WDR26: variants seen among roughly 807,000 people sequenced by gnomAD.
WDR26 encodes the protein WD repeat-containing protein 26.
A neutral mutation model predicts 84.1 loss-of-function variants in WDR26; 5 were observed. That is an observed-to-expected ratio of 0.06 (90% CI 0.03 to 0.13). The LOEUF is 0.13. WDR26 is among the 10% of genes least tolerant of loss of function. The pLI, the probability that WDR26 is intolerant of heterozygous loss-of-function variation, is 1.00. For missense variants in WDR26, 642 were observed against 974.9 expected (o/e 0.66, Z 4.55); for synonymous variants, 415 against 389.6 (o/e 1.07, Z -0.77).
intron 3 of WDR26, among the ~76,000 whole-genome samples, chr1:224,427,459 A>G (rs1674262820): frequency 1.3e-5 from 2 of 152,010 alleles, no homozygotes; most frequent in Non-Finnish European, 2.9e-5. Flanking sequence ...CTCTTTTTCT[A>G]TGGGGCAGAG....
chr1:224,401,543 G>A (rs1033966444), intron 8 of WDR26, among the ~76,000 whole-genome samples: 5 of 151,648 alleles, frequency 3.3e-5, no homozygotes, highest in Non-Finnish European at 1.5e-5. Context: ...ACATGGTGGT[G>A]CATGCCTATA....
chr1:224,401,671 C>CAAAAAAAAAAAAAAAAAAAAAAAAAAA (rs767368281), intron 8 of WDR26, among the ~76,000 whole-genome samples: 26 of 49,644 alleles, frequency 5.2e-4, no homozygotes, highest in Non-Finnish European at 6.5e-4. Context: ...GAGACTGTCT[C>CAAAAAAAAAAAAAAAAAAAAAAAAAAA]AAAAAAAAAA....
chr1:224,425,995 T>A (rs1341974899), intron 3 of WDR26, among the ~76,000 whole-genome samples: 4 of 152,014 alleles, frequency 2.6e-5, no homozygotes, highest in African/African-American at 9.7e-5. Flanking sequence ...GTAGCTGGGA[T>A]TACAGGCACC....
chr1:224,427,809 T>C (rs1674271513), intron 3 of WDR26, among the ~76,000 whole-genome samples: 2 of 152,166 alleles, frequency 1.3e-5, no homozygotes, highest in Admixed American at 1.3e-4. Flanking sequence ...AATGTAAATA[T>C]AACCTCAAGA....
chr1:224,424,957 T>C (rs1484420696), intron 3 of WDR26, among the ~76,000 whole-genome samples: 1 of 152,340 alleles, frequency 6.6e-6, no homozygotes, highest in South Asian at 2.1e-4. Flanking sequence ...AGCAATCTCC[T>C]ACAATTGTAG....
intron 3 of WDR26, chr1:224,430,389 T>C (rs1674357775): frequency 6.6e-6 from 1 of 152,250 alleles, no homozygotes; most frequent in African/African-American, 2.4e-5. Flanking sequence ...TTAAATGAAT[T>C]TGCATTTATT....
intron 13 of WDR26, among the ~76,000 whole-genome samples, 168 bp from the exon 14 acceptor site, chr1:224,390,028 T>C (rs1376982665): frequency 1.3e-5 from 2 of 152,240 alleles, no homozygotes; most frequent in Non-Finnish European, 2.9e-5. Flanking sequence ...ATCATACTCA[T>C]TAAAACAATG....
chr1:224,389,674 A>G lies in WDR26; in HGVS notation c.*161T>C. 4.2e-6 allele frequency: 3 copies of G among 712,374 alleles called. No individual in the cohort carries two copies. The South Asian group carries it at 4.7e-5, about 11-fold the overall frequency. 44.1% of individuals were successfully genotyped at this position (712,374 alleles called of 1,614,324 possible). A position where few individuals can be genotyped will look rare whatever the true frequency, so the allele number is the denominator to read the frequency against. ...CATCTCAACTGGTTACTATGAAGCA[A>G]GGTGTAAATGTTTGGCCCCAATCGG... On this transcript the variant is annotated 3_prime_UTR_variant, in exon 14 of 14. Coordinates refer to ENST00000414423, the MANE Select transcript of WDR26 (RefSeq NM_001379403.1).
intron 6 of WDR26, among the ~76,000 whole-genome samples, chr1:224,417,675 G>A (rs558190467): frequency 7.9e-4 from 120 of 152,232 alleles, no homozygotes; most frequent in Middle Eastern, 3.4e-3. Context: ...ACTCTATCCT[G>A]GGCAACAGAG....
At chr1:224,424,266 T>C (rs188191453) in intron 4 of WDR26, among the ~76,000 whole-genome samples, 5 of 152,342 alleles carry the variant, frequency 3.3e-5, no homozygotes, top group South Asian at 2.1e-4. Flanking sequence ...AGGGTTTTCA[T>C]AGAACATTCT....
intron 3 of WDR26, among the ~76,000 whole-genome samples, chr1:224,425,506 C>A (rs1674184222): frequency 1.3e-5 from 2 of 152,172 alleles, no homozygotes; most frequent in Admixed American, 6.5e-5. Context: ...TAGTTTTTTC[C>A]TGAACTGTGT....
Position 224,388,640 on chromosome 1 carries a change from A to G in WDR26, c.*1195T>C, listed in dbSNP as rs776192967. 7.9e-5 allele frequency: 12 copies of G among 152,630 alleles called. No individual in the cohort carries two copies. Among genetic ancestry groups the G allele is most frequent in the Non-Finnish European group, 1.3e-4 (9 of 68,040 alleles). 9.5% of individuals were successfully genotyped at this position (152,630 alleles called of 1,614,324 possible). ...ATATTCTTTAAATTTATGTATCCCT[A>G]TATGTCAAAATATTAAGGGCAATTA... On this transcript the variant is annotated 3_prime_UTR_variant, in exon 14 of 14. Coordinates refer to ENST00000414423, the MANE Select transcript of WDR26 (RefSeq NM_001379403.1).
In WDR26 at chr1:224,430,136, T is replaced by C. The variant is rs1016344692; in HGVS notation, c.927+1341A>G. 46 of 152,288 alleles carry C rather than the reference T, an allele frequency of 3.0e-4. 1 individual carries two copies. Among genetic ancestry groups the C allele is most frequent in the African/African-American group, 1.0e-3 (43 of 41,572 alleles). 9.4% of individuals were successfully genotyped at this position (152,288 alleles called of 1,614,324 possible). ...TGCAGAACTGCTCAATAAAATGTAC[T>C]TGGGTATTTTTTTTTTAAACCCCAA... On this transcript the variant is annotated intron_variant, in intron 3 of 13. Transcript: ENST00000414423.
chr1:224,397,881 A>G (rs764791993), intron 12 of WDR26: 4 of 558,824 alleles, frequency 7.2e-6, no homozygotes, highest in Non-Finnish European at 1.2e-5. Context: ...GGCTTAGGTC[A>G]TTACAGAAAA....
At position 224,404,575 on chromosome 1, in the gene WDR26, G is replaced by A; in HGVS notation, c.1459-5C>T. The A allele has an allele frequency of 6.2e-7, 1 of 1,608,424 alleles. No individual in the cohort carries two copies. Among genetic ancestry groups the A allele is most frequent in the Non-Finnish European group, 8.5e-7 (1 of 1,177,116 alleles). ...CAGTTTTAGCAGGTGTGTATCCTGG[G>A]AGGGAAAATAAACAATTCAGTTAAC... On this transcript the variant is annotated splice_polypyrimidine_tract_variant and splice_region_variant and intron_variant, in intron 7 of 13. Transcript: ENST00000414423.
chr1:224,387,906 T>G lies in WDR26; in HGVS notation c.*1929A>C, dbSNP rs1434246324. On this transcript the variant is annotated 3_prime_UTR_variant, in exon 14 of 14. Transcript: ENST00000414423. ...AAAAAGTAATTTTAGTTAAGAAAAATGAAGTACCAGATAAACTGTAACATA... is the reference window on the plus strand; with the variant it reads ...AAAAAGTAATTTTAGTTAAGAAAAAGGAAGTACCAGATAAACTGTAACATA... The G allele has an allele frequency of 6.6e-6, 1 of 152,564 alleles. No individual in the cohort carries two copies. The highest frequency in any genetic ancestry group is 1.5e-5 in the Non-Finnish European group (1 of 68,024). 9.5% of individuals were successfully genotyped at this position (152,564 alleles called of 1,614,324 possible).
chr1:224,433,620 C>T, intron 1 of WDR26, 64 bp downstream of exon 1: 8 of 1,177,780 alleles, frequency 6.8e-6, no homozygotes, highest in Non-Finnish European at 8.7e-6. Flanking sequence ...GCCCCTTCCC[C>T]TACCCCCCTG....
chr1:224,430,668 A>C (rs1175939719), intron 3 of WDR26: 1 of 152,154 alleles, frequency 6.6e-6, no homozygotes, highest in Non-Finnish European at 1.5e-5. Context: ...CCCCACCCCC[A>C]GACAGGAAAC....
chr1:224,426,245 T>C (rs1303274688), intron 3 of WDR26, among the ~76,000 whole-genome samples: 1 of 152,152 alleles, frequency 6.6e-6, no homozygotes, highest in Non-Finnish European at 1.5e-5. Flanking sequence ...GAATTAACAG[T>C]ATAATAAACT....
Sources: allele counts gnomAD v4.1 joint callset (sites outside exome capture counted in the v4.1 genomes callset), GRCh38; gene constraint gnomAD v4.1.1; transcripts MANE v1.5; gene names NCBI Gene and HGNC (gene_info 2026-07-23, HGNC 2026-07-21).